Variants in NFIX observed in about 807,000 individuals in gnomAD.
The protein encoded by NFIX is nuclear factor 1 X-type.
A neutral mutation model predicts 53.3 loss-of-function variants in NFIX; 2 were observed. That is an observed-to-expected ratio of 0.04 (90% confidence interval 0.02 to 0.12). The LOEUF is 0.12. NFIX is among the 10% of genes least tolerant of loss of function. The pLI is 1.00. For synonymous variants in NFIX, 244 were observed against 289.0 expected (o/e 0.84, Z 1.58); for missense variants, 310 against 674.5 (o/e 0.46, Z 5.99).
chr19:13,062,243 T>C (rs1215760590), intron 2 of NFIX, among the ~76,000 whole-genome samples: 1 of 152,216 alleles, frequency 6.6e-6, no homozygotes, highest in African/African-American at 2.4e-5. Flanking sequence ...AGCTCGGCTT[T>C]GCAGGAAGAT....
At chr19:13,055,842 C>A (rs977514090) in intron 2 of NFIX, among the ~76,000 whole-genome samples, 1 of 152,178 alleles carries the variant, frequency 6.6e-6, no homozygotes, top group Non-Finnish European at 1.5e-5. Context: ...GGTGTGGGAG[C>A]CTGGGTGAGG....
intron 2 of NFIX, among the ~76,000 whole-genome samples, chr19:13,030,111 A>G (rs1006488746): frequency 2.0e-5 from 3 of 152,188 alleles, no homozygotes; most frequent in Non-Finnish European, 4.4e-5. Context: ...CAGAAATGCC[A>G]CTGGTCTGCG....
In NFIX at chr19:13,045,024, G is replaced by A. The variant is rs1416227958; in HGVS notation, c.559+19472G>A. 1.3e-5 allele frequency among the ~76,000 whole-genome samples: 2 copies of A among 152,192 alleles called. No individual in the cohort carries two copies. The highest frequency in any genetic ancestry group is 2.9e-5 in the Non-Finnish European group (2 of 68,016). Reference sequence around the variant, plus strand: ...ACGGGATGACTGCAGTACTGAGGATGGTGAGAACAGCGGTGGCCCGCCGGC... The same window carrying A: ...ACGGGATGACTGCAGTACTGAGGATAGTGAGAACAGCGGTGGCCCGCCGGC... On this transcript the variant is annotated intron_variant, in intron 2 of 10. Coordinates refer to ENST00000592199, the MANE Select transcript of NFIX (RefSeq NM_001365902.3). The surrounding 1 kb of genome is among the most constrained non-coding windows in gnomAD (Gnocchi z 4.4).
In NFIX at chr19:13,073,339, C is replaced by A. The variant is rs2016880390; in HGVS notation, c.623-83C>A. On this transcript the variant is annotated intron_variant, in intron 3 of 10. Transcript: ENST00000592199. This position sits in a 1 kb window ranked among gnomAD's most constrained non-coding sequence, Gnocchi z 4.5. ...GGAAACGGGACTTGGGAGGGAGAAG[C>A]AACAGTGTGGAAGACCTTTGGAAAT... is the stretch of plus-strand genomic sequence containing the variant. 1.6e-6 allele frequency: 2 copies of A among 1,230,646 alleles called. No homozygotes were observed. The allele number at this position is 1,230,646 out of a possible 1,614,324, so 76.2% of individuals were successfully genotyped here.
intron 1 of NFIX, 132 bp from the exon 2 acceptor site, chr19:13,024,889 A>C (rs915774245): frequency 7.5e-7 from 1 of 1,331,544 alleles, no homozygotes; most frequent in Non-Finnish European, 1.0e-6. Flanking sequence ...GGGAGGGAGG[A>C]GGAGGAGAAG....
Position 13,040,503 on chromosome 19 carries a change from T to A in NFIX, c.559+14951T>A, listed in dbSNP as rs953137831. 1.3e-5 allele frequency among the ~76,000 whole-genome samples: 2 copies of A among 152,202 alleles called. No individual in the cohort carries two copies. The highest frequency in any genetic ancestry group is 2.9e-5 in the Non-Finnish European group (2 of 68,032). ...CAGTCCTGGGCCCACTGGGATTGCT[T>A]GCCTTTTGCTCTGAGGCTTTTCCTC... On this transcript the variant is annotated intron_variant, in intron 2 of 10. Transcript: ENST00000592199. This position sits in a 1 kb window ranked among gnomAD's most constrained non-coding sequence, Gnocchi z 4.2.
At chr19:13,050,639 G>C (rs996416312) in intron 2 of NFIX, among the ~76,000 whole-genome samples, 1 of 152,074 alleles carries the variant, frequency 6.6e-6, no homozygotes, top group Admixed American at 6.5e-5. Context: ...TTGTATGTCT[G>C]CCCCTGCAGA....
Position 13,094,555 on chromosome 19 carries a change from C to T in NFIX, c.1495-80C>T. ...TTTGGGAGCTGGACCCTTGAGGGGC[C>T]AGGTCACTGGGCCAGGTAGGAGTGA... On this transcript the variant is annotated intron_variant, in intron 10 of 10. Transcript: ENST00000592199. The surrounding 1 kb of genome is among the most constrained non-coding windows in gnomAD (Gnocchi z 4.3). 6.9e-7 allele frequency: 1 copy of T among 1,454,934 alleles called. No homozygotes were observed. Among genetic ancestry groups the T allele is most frequent in the Non-Finnish European group, 9.3e-7 (1 of 1,076,238 alleles). The allele number at this position is 1,454,934 out of a possible 1,614,324, so 90.1% of individuals were successfully genotyped here.
At chr19:13,069,154 C>T (rs1410022090) in intron 2 of NFIX, among the ~76,000 whole-genome samples, 1 of 152,180 alleles carries the variant, frequency 6.6e-6, no homozygotes, top group Non-Finnish European at 1.5e-5. Flanking sequence ...CCCACTCTAT[C>T]CCATCTCCAA....
At chr19:13,024,046 A>T (rs1443649732) in intron 1 of NFIX, 11 of 1,456,024 alleles carry the variant, frequency 7.6e-6, no homozygotes, top group South Asian at 3.8e-5. Flanking sequence ...TAATTATTTA[A>T]TTTTTTCCAG....
At position 13,022,892 on chromosome 19, in the gene NFIX, G is replaced by C. The variant is rs2013021910; in HGVS notation, c.28-2129G>C. ...AGCCTGGAATGAAAAATTCATAACT[G>C]CTGGACTTTGCTTGTTCATTAGACG... On this transcript the variant is annotated intron_variant, in intron 1 of 10. Transcript: ENST00000592199. This position sits in a 1 kb window ranked among gnomAD's most constrained non-coding sequence, Gnocchi z 4.5. 6.6e-6 allele frequency among the ~76,000 whole-genome samples: 1 copy of C among 151,802 alleles called. No individual in the cohort carries two copies. Among genetic ancestry groups the C allele is most frequent in the Non-Finnish European group, 1.5e-5 (1 of 67,990 alleles).
At chr19:13,024,263 A>G (rs1319949280) in intron 1 of NFIX, among the ~76,000 whole-genome samples, 1 of 152,208 alleles carries the variant, frequency 6.6e-6, no homozygotes, top group East Asian at 1.9e-4. Context: ...GGCCGAGACA[A>G]GCACCTTATT....
At position 13,052,908 on chromosome 19, in the gene NFIX, C is replaced by T. The variant is rs150281756; in HGVS notation, c.560-20139C>T. On this transcript the variant is annotated intron_variant, in intron 2 of 10. Transcript: ENST00000592199. The surrounding 1 kb of genome is among the most constrained non-coding windows in gnomAD (Gnocchi z 5.2). The stretch of plus-strand genomic sequence containing the variant: ...CTGTGTCTTCCCATGTTCCCTTCGT[C>T]CTGTTCACAGGGAGGTGGAAATCCA... 3.4e-4 allele frequency among the ~76,000 whole-genome samples: 52 copies of T among 152,324 alleles called. No homozygotes were observed. The highest frequency in any genetic ancestry group is 1.2e-3 in the African/African-American group (49 of 41,566).
rs1367649744 is a variant in NFIX at position 13,045,728 on chromosome 19, T to C, written c.559+20176T>C. On this transcript the variant is annotated intron_variant, in intron 2 of 10. Coordinates refer to ENST00000592199, the MANE Select transcript of NFIX (RefSeq NM_001365902.3). This position sits in a 1 kb window ranked among gnomAD's most constrained non-coding sequence, Gnocchi z 4.4. The stretch of plus-strand genomic sequence containing the variant: ...GGCATCAGGGGACCACAGGCTGTGG[T>C]TGCGCCTGTCCGTTCTCCCTCCCTT... Among the ~76,000 whole-genome samples, 1 of 152,174 alleles carries C rather than the reference T, an allele frequency of 6.6e-6. No individual in the cohort carries two copies. Among genetic ancestry groups the C allele is most frequent in the Non-Finnish European group, 1.5e-5 (1 of 68,008 alleles).
Position 13,011,111 on chromosome 19 carries a change from G to C in NFIX, c.28-13910G>C, listed in dbSNP as rs1181190482. On this transcript the variant is annotated intron_variant, in intron 1 of 10. Transcript: ENST00000592199. This position sits in a 1 kb window ranked among gnomAD's most constrained non-coding sequence, Gnocchi z 6.5. ...CTGCAAAAACCATTTCGCCAGGCAGGGATGTAGGGGGAGGCGGGAGCAGCC... is the reference window on the plus strand; with the variant it reads ...CTGCAAAAACCATTTCGCCAGGCAGCGATGTAGGGGGAGGCGGGAGCAGCC... Among the ~76,000 whole-genome samples, 1 of 152,148 alleles carries C rather than the reference G, an allele frequency of 6.6e-6. No homozygotes were observed. Among genetic ancestry groups the C allele is most frequent in the Non-Finnish European group, 1.5e-5 (1 of 68,026 alleles).
At position 13,063,201 on chromosome 19, in the gene NFIX, C is replaced by A. The variant is rs528235693; in HGVS notation, c.560-9846C>A. 2.6e-5 allele frequency among the ~76,000 whole-genome samples: 4 copies of A among 152,328 alleles called. No homozygotes were observed. In the South Asian group the frequency reaches 8.3e-4, roughly 32 times the overall value. ...CTTAGGGACCTTCCCCTGCCCTGGGCTAAAGTGAATTTCCTGCTCTATAGG... is the reference window on the plus strand; with the variant it reads ...CTTAGGGACCTTCCCCTGCCCTGGGATAAAGTGAATTTCCTGCTCTATAGG... On this transcript the variant is annotated intron_variant, in intron 2 of 10. Coordinates refer to ENST00000592199, the MANE Select transcript of NFIX (RefSeq NM_001365902.3).
At chr19:13,059,774 A>ATTTTT (rs1555701795) in intron 2 of NFIX, among the ~76,000 whole-genome samples, 1 of 123,546 alleles carries the variant, frequency 8.1e-6, no homozygotes, top group Non-Finnish European at 1.7e-5. Context: ...TTTAATTAGA[A>ATTTTT]TTCTTTTTTT....
chr19:13,077,135 G>A (rs141128412), intron 6 of NFIX, among the ~76,000 whole-genome samples: 23 of 152,204 alleles, frequency 1.5e-4, no homozygotes, highest in African/African-American at 4.1e-4. Context: ...ACTGCCCCTG[G>A]GGTGCATAGA....
rs978086314 is a variant in NFIX at position 13,018,346 on chromosome 19, G to C, written c.28-6675G>C. Among the ~76,000 whole-genome samples the C allele has an allele frequency of 3.4e-5, 4 of 117,252 alleles. 1 individual carries two copies. The highest frequency in any genetic ancestry group is 8.0e-5 in the Admixed American group (1 of 12,436). The allele number at this position is 117,252 out of a possible 152,430, so 76.9% of individuals were successfully genotyped here. On this transcript the variant is annotated intron_variant, in intron 1 of 10. Transcript: ENST00000592199. ...AGAAAAGGAAGGGGCGGGGGGGGGG[G>C]GGGGGCGCGGTTTACAGGAGAGAAG...
Sources: allele counts gnomAD v4.1 joint callset (sites outside exome capture counted in the v4.1 genomes callset), GRCh38; gene constraint gnomAD v4.1.1; non-coding constraint Gnocchi (gnomAD v3.1); transcripts MANE v1.5; gene names NCBI Gene and HGNC (gene_info 2026-07-23, HGNC 2026-07-21).